The following TPR variants were observed in gnomAD, a reference collection of about 807,000 sequenced individuals.
TPR encodes nucleoprotein TPR.
A neutral mutation model predicts 316.1 loss-of-function variants in TPR; 51 were observed. The ratio of observed to expected loss-of-function variants is 0.16; its 90% CI spans 0.13 to 0.20. The LOEUF is 0.20. Among genes scored for constraint, TPR ranks in the 10% least tolerant of loss-of-function variants. TPR has a pLI of 1.00. For synonymous variants in TPR, 981 were observed against 914.7 expected (o/e 1.07, Z -1.31); for missense variants, 2,272 against 2,754.8 (o/e 0.82, Z 3.92).
At chr1:186,339,606 T>A in intron 30 of TPR, 36 bp downstream of exon 30, 1 of 1,437,228 alleles carries the variant, frequency 7.0e-7, no homozygotes, top group South Asian at 1.6e-5. Context: ...AAACTTCTTT[T>A]ATATTATATA....
chr1:186,345,738 A>C (rs753333284), intron 23 of TPR, 42 bp from the exon 24 acceptor site: 3 of 1,399,678 alleles, frequency 2.1e-6, no homozygotes, highest in African/African-American at 2.8e-5. Context: ...TTAATTGCAA[A>C]CTTACTTGGA....
intron 19 of TPR, among the ~76,000 whole-genome samples, 192 bp downstream of exon 19, chr1:186,351,784 A>G (rs988742735): frequency 3.9e-5 from 6 of 152,142 alleles, no homozygotes; most frequent in African/African-American, 9.6e-5. Flanking sequence ...TTACCAATGT[A>G]TGGTTTCAAT....
rs936628002 is a variant in TPR at position 186,320,322 on chromosome 1, A to T, written c.6558T>A (p.Ala2186=). 5 of 1,609,698 alleles carry T rather than the reference A, an allele frequency of 3.1e-6. No individual in the cohort carries two copies. In the African/African-American group the frequency reaches 6.7e-5, roughly 22 times the overall value. Residue 2186 remains alanine, a synonymous_variant, in exon 46 of 51, where the codon GCT becomes GCA. Transcript: ENST00000367478. ...SSSHSDLGQL[A]SQGGLGMYET... ...GGTTTAACTATTTACCTCCTTGAGA[A>T]GCAAGCTGGCCAAGATCAGAGTGAC... is the stretch of plus-strand genomic sequence containing the variant.
intron 22 of TPR, 103 bp from the exon 23 acceptor site, chr1:186,346,390 T>G: frequency 8.4e-7 from 1 of 1,193,364 alleles, no homozygotes; most frequent in South Asian, 2.0e-5. Context: ...ATAAAATTAA[T>G]GTTTGTTGTA....
intron 2 of TPR, 30 bp downstream of exon 2, chr1:186,373,329 A>G: frequency 6.5e-7 from 1 of 1,530,690 alleles, no homozygotes. Context: ...ATACTCCGAG[A>G]ATACTTACAA....
chr1:186,313,188 T>TA lies in TPR; in HGVS notation c.*782dup. The stretch of plus-strand genomic sequence containing the variant: ...TCTATCATTTGTGGCATTTAACAGA[T>TA]ACCTTGTTTGGCACAAGGTTATAAT... On this transcript the variant is annotated 3_prime_UTR_variant, in exon 51 of 51. Coordinates refer to ENST00000367478, the MANE Select transcript of TPR (RefSeq NM_003292.3). 2.3e-6 allele frequency: 1 copy of TA among 439,546 alleles called. No homozygotes were observed. The allele number at this position is 439,546 out of a possible 1,614,324, so 27.2% of individuals were successfully genotyped here.
At chr1:186,314,750 A>C (rs1657540974) in intron 49 of TPR, 26 bp from the exon 50 acceptor site, 1 of 1,503,930 alleles carries the variant, frequency 6.6e-7, no homozygotes, top group African/African-American at 1.4e-5. Flanking sequence ...AGATAAAAGA[A>C]AAGCAAGTGA....
intron 40 of TPR, among the ~76,000 whole-genome samples, chr1:186,326,626 A>G (rs939305626): frequency 2.6e-5 from 4 of 151,980 alleles, no homozygotes; most frequent in African/African-American, 9.7e-5. Context: ...TCAATATAGG[A>G]TTAAACCCCA....
intron 33 of TPR, 129 bp downstream of exon 33, chr1:186,336,367 T>C (rs2102068346): frequency 2.5e-6 from 2 of 806,516 alleles, no homozygotes; most frequent in Middle Eastern, 3.6e-4. Context: ...TTCCTAATAT[T>C]TAAAGCACAC....
chr1:186,366,892 C>G (rs1659360859), intron 4 of TPR, among the ~76,000 whole-genome samples: 1 of 151,804 alleles, frequency 6.6e-6, no homozygotes, highest in Non-Finnish European at 1.5e-5. Flanking sequence ...GTAACTACCA[C>G]TTGTTGATCA....
rs1037553595 is a variant in TPR, at chr1:186,344,366, C to G, written c.3417+9G>C. ...CAACAGAACATTCTATTCAGATTTA[C>G]AATAATACCTTTAACATTCTCTCTC... On this transcript the variant is annotated intron_variant, in intron 25 of 50. Transcript: ENST00000367478. The G allele has an allele frequency of 3.7e-6, 6 of 1,611,582 alleles. No homozygotes were observed. In the African/African-American group the frequency reaches 6.7e-5, roughly 18 times the overall value.
intron 9 of TPR, among the ~76,000 whole-genome samples, chr1:186,361,373 C>T (rs1336361401): frequency 6.6e-6 from 1 of 151,836 alleles, no homozygotes; most frequent in Non-Finnish European, 1.5e-5. Context: ...TAGAAATCAG[C>T]AAATTATACA....
intron 49 of TPR, among the ~76,000 whole-genome samples, chr1:186,316,034 A>G (rs1657602255): frequency 6.6e-6 from 1 of 151,552 alleles, no homozygotes. Context: ...ACAGTTTTAC[A>G]TTATCAAATA....
chr1:186,368,773 T>C (rs549265768), intron 3 of TPR, among the ~76,000 whole-genome samples: 15 of 152,344 alleles, frequency 9.8e-5, no homozygotes, highest in Non-Finnish European at 1.0e-4. Flanking sequence ...TAGTTCCGTT[T>C]ATTTCTTTTT....
In TPR at chr1:186,347,438, C is replaced by T. The variant is rs769517122; in HGVS notation, c.2797G>A (p.Asp933Asn). 9.3e-6 allele frequency: 15 copies of T among 1,613,906 alleles called. No individual in the cohort carries two copies. The highest frequency in any genetic ancestry group is 1.1e-5 in the Non-Finnish European group (13 of 1,179,928). The stretch of plus-strand genomic sequence containing the variant: ...AGCTGACTCACAAGATCATCCACAT[C>T]TTCTTTGTTGCTAGGCTGACCTAAA... Reference protein sequence around the residue: ...TGKGQPSNKEDVDDLVSQLRQ... With the variant: ...TGKGQPSNKENVDDLVSQLRQ... The change falls in exon 22 of 51, where the codon GAT (aspartate) becomes AAT (asparagine). Residue 933 changes from aspartate to asparagine, a missense_variant. Physicochemically the swap from Asp to Asn is conservative, Grantham distance 23 (BLOSUM62 1). This residue lies in a region of TPR where 757 missense variants were observed against 859.8 expected (regional missense o/e 0.88). Coordinates refer to ENST00000367478, the MANE Select transcript of TPR (RefSeq NM_003292.3).
At chr1:186,352,161 G>A in intron 18 of TPR, 51 bp from the exon 19 acceptor site, 1 of 1,526,298 alleles carries the variant, frequency 6.6e-7, no homozygotes, top group Non-Finnish European at 8.8e-7. Flanking sequence ...ATGGTGTCAA[G>A]TGTATTAAGA....
chr1:186,372,818 T>C (rs1403217655), intron 2 of TPR, among the ~76,000 whole-genome samples: 1 of 152,166 alleles, frequency 6.6e-6, no homozygotes, highest in Non-Finnish European at 1.5e-5. Flanking sequence ...AAGAAAGAGA[T>C]TAGCTATCAA....
intron 42 of TPR, chr1:186,325,376 AC>A (rs2102055930): frequency 6.3e-6 from 1 of 158,506 alleles, no homozygotes; most frequent in South Asian, 2.0e-4. Context: ...GGAAAAGCAG[AC>A]CATACTGCAA....
At position 186,312,417 on chromosome 1, in the gene TPR, T is replaced by C. The variant is rs766571324; in HGVS notation, c.*1554A>G. On this transcript the variant is annotated 3_prime_UTR_variant, in exon 51 of 51. Transcript: ENST00000367478. ...AAAAAAATCCTTAAACATAAGTAGA[T>C]GTAATACAGTTTCTTATACAGTAAG... is the stretch of plus-strand genomic sequence containing the variant. 12 of 1,514,238 alleles carry C rather than the reference T, an allele frequency of 7.9e-6. No individual in the cohort carries two copies. The highest frequency in any genetic ancestry group is 9.9e-6 in the Non-Finnish European group (11 of 1,106,660). The allele number at this position is 1,514,238 out of a possible 1,614,324, so 93.8% of individuals were successfully genotyped here.
Sources: allele counts gnomAD v4.1 joint callset (sites outside exome capture counted in the v4.1 genomes callset), GRCh38; gene constraint gnomAD v4.1.1; regional missense constraint gnomAD v4.1.1; transcripts MANE v1.5; gene names NCBI Gene and HGNC (gene_info 2026-07-23, HGNC 2026-07-21).